Variants in GRM8 observed in about 807,000 individuals in gnomAD.
GRM8 encodes metabotropic glutamate receptor 8.
GRM8 carries 47 observed loss-of-function variants against 87.2 expected under a neutral mutation model. The ratio of observed to expected loss-of-function variants is 0.54; its 90% confidence interval spans 0.43 to 0.69. GRM8 has a LOEUF of 0.69. GRM8 is among the 30% of genes least tolerant of loss of function. The pLI is 0.00. For missense variants in GRM8, 1,019 were observed against 1,139.2 expected (o/e 0.89, Z 1.52); for synonymous variants, 396 against 404.5 (o/e 0.98, Z 0.25).
intron 9 of GRM8, among the ~76,000 whole-genome samples, chr7:126,516,518 C>G (rs1441145106): frequency 2.0e-5 from 3 of 151,896 alleles, no homozygotes; most frequent in African/African-American, 7.3e-5. Context: ...ATTTGGCCAA[C>G]AGAAATCAGA....
rs555585762 is a variant in GRM8 at position 127,208,945 on chromosome 7, C to T, written c.510+33750G>A. ...CTTTTCCTTGGGGATACATAGTTCC[C>T]AGTTCCATTTCCCACAGGAGCTTTA... On this transcript the variant is annotated intron_variant, in intron 2 of 10. Coordinates refer to ENST00000339582, the MANE Select transcript of GRM8 (RefSeq NM_000845.3). Among the ~76,000 whole-genome samples, 146 of 152,286 alleles carry T rather than the reference C, an allele frequency of 9.6e-4. 1 individual carries two copies. The highest frequency in any genetic ancestry group is 3.4e-3 in the African/African-American group (143 of 41,544).
chr7:126,947,252 A>G (rs1290531028), intron 3 of GRM8, among the ~76,000 whole-genome samples: 4 of 152,254 alleles, frequency 2.6e-5, no homozygotes, highest in Admixed American at 6.5e-5. Context: ...CATAAAGAGT[A>G]ATCAAAGGTG....
chr7:126,755,297 A>T (rs1426117453), intron 7 of GRM8, among the ~76,000 whole-genome samples: 1 of 151,978 alleles, frequency 6.6e-6, no homozygotes, highest in Non-Finnish European at 1.5e-5. Flanking sequence ...GTGTATAAGA[A>T]GTGTCAATTC....
intron 3 of GRM8, among the ~76,000 whole-genome samples, chr7:127,079,488 C>T (rs996929452): frequency 2.0e-5 from 3 of 152,182 alleles, no homozygotes; most frequent in Non-Finnish European, 4.4e-5. Flanking sequence ...TTCATCATTT[C>T]CTTTATTTAA....
At chr7:127,014,417 A>G (rs1299984656) in intron 3 of GRM8, among the ~76,000 whole-genome samples, 1 of 152,064 alleles carries the variant, frequency 6.6e-6, no homozygotes, top group Non-Finnish European at 1.5e-5. Flanking sequence ...TACAAATTCA[A>G]TGTCTCATCA....
At chr7:127,021,652 G>A (rs1816278882) in intron 3 of GRM8, among the ~76,000 whole-genome samples, 1 of 151,926 alleles carries the variant, frequency 6.6e-6, no homozygotes, top group South Asian at 2.1e-4. Context: ...TTCAGAAAAA[G>A]ACAATACACA....
intron 7 of GRM8, among the ~76,000 whole-genome samples, chr7:126,722,121 T>C (rs1812456600): frequency 6.6e-6 from 1 of 152,122 alleles, no homozygotes; most frequent in Admixed American, 6.6e-5. Flanking sequence ...TTAACTTTCC[T>C]CCTGGGCGTC....
chr7:126,567,423 G>A (rs1794320261), intron 8 of GRM8, among the ~76,000 whole-genome samples: 1 of 149,202 alleles, frequency 6.7e-6, no homozygotes, highest in African/African-American at 2.5e-5. Context: ...TAGGGGGAGG[G>A]GGGAGGGATA....
intron 9 of GRM8, among the ~76,000 whole-genome samples, chr7:126,452,476 C>T (rs11979427): frequency 6.7e-6 from 1 of 149,994 alleles, no homozygotes; most frequent in African/African-American, 2.4e-5. Context: ...AACAGACATT[C>T]TCTATAATCT....
chr7:126,455,320 T>C (rs984339061), intron 9 of GRM8, among the ~76,000 whole-genome samples: 1 of 151,590 alleles, frequency 6.6e-6, no homozygotes, highest in Non-Finnish European at 1.5e-5. Flanking sequence ...CCCATATCCT[T>C]ACCACACACC....
chr7:126,529,037 T>C (rs1162174280), intron 9 of GRM8, among the ~76,000 whole-genome samples: 2 of 152,186 alleles, frequency 1.3e-5, no homozygotes, highest in East Asian at 1.9e-4. Flanking sequence ...GCTTTGTGAA[T>C]TCTGGATGAA....
intron 1 of GRM8, among the ~76,000 whole-genome samples, chr7:127,247,830 TC>T (rs56290126): frequency 0.05 from 7,554 of 152,298 alleles, 300 homozygotes; most frequent in African/African-American, 0.097. Flanking sequence ...TGCTCAAACA[TC>T]AGAGCAAGGC....
intron 6 of GRM8, among the ~76,000 whole-genome samples, chr7:126,815,860 A>C (rs1793740191): frequency 6.6e-6 from 1 of 152,162 alleles, no homozygotes; most frequent in South Asian, 2.1e-4. Context: ...TGATGATAAC[A>C]CAACAAAAAG....
At chr7:126,799,819 C>T (rs1245982010) in intron 6 of GRM8, among the ~76,000 whole-genome samples, 1 of 152,114 alleles carries the variant, frequency 6.6e-6, no homozygotes, top group Non-Finnish European at 1.5e-5. Flanking sequence ...CCTCACCTGT[C>T]CAGTTTGCTC....
At chr7:126,563,701 A>G (rs10231976) in intron 8 of GRM8, among the ~76,000 whole-genome samples, 5,555 of 152,292 alleles carry the variant, frequency 0.036, 271 homozygotes, top group African/African-American at 0.11. Flanking sequence ...CAGTTCTCCA[A>G]CTGAACCACT....
intron 7 of GRM8, among the ~76,000 whole-genome samples, chr7:126,642,248 T>G (rs1802478855): frequency 1.3e-5 from 2 of 152,318 alleles, no homozygotes; most frequent in African/African-American, 4.8e-5. Context: ...CTGAAGGTAT[T>G]TGATGCTCAT....
chr7:126,849,898 T>G (rs1797053581), intron 6 of GRM8, among the ~76,000 whole-genome samples: 1 of 152,176 alleles, frequency 6.6e-6, no homozygotes, highest in African/African-American at 2.4e-5. Context: ...CTTTCTCTCC[T>G]GCACCATAAT....
intron 3 of GRM8, among the ~76,000 whole-genome samples, chr7:127,077,778 T>TC (rs1288066277): frequency 1.3e-5 from 2 of 152,210 alleles, no homozygotes; most frequent in African/African-American, 4.8e-5. Flanking sequence ...ATTATCTTGC[T>TC]CCCCCTTTCT....
At chr7:127,076,657 G>T (rs1007571013) in intron 3 of GRM8, among the ~76,000 whole-genome samples, 1 of 152,120 alleles carries the variant, frequency 6.6e-6, no homozygotes, top group Non-Finnish European at 1.5e-5. Context: ...GGTAGGGACC[G>T]CCCAGGAATC....
Sources: gnomAD v4.1 joint callset for allele counts (sites outside exome capture counted in the v4.1 genomes callset) on GRCh38, gnomAD v4.1.1 for gene constraint, MANE v1.5 for transcripts, NCBI Gene and HGNC (gene_info 2026-07-23, HGNC 2026-07-21) for gene names.